IPO11: variants seen among roughly 807,000 people sequenced by gnomAD.
IPO11 encodes importin 11.
IPO11 carries 66 observed loss-of-function variants against 143.2 expected under a neutral mutation model. The ratio of observed to expected loss-of-function variants is 0.46; its 90% CI spans 0.38 to 0.57. IPO11 has a LOEUF of 0.57. IPO11 is among the 20% of genes least tolerant of loss of function. The pLI is 0.00. For synonymous variants in IPO11, 385 were observed against 377.8 expected, an observed-to-expected ratio of 1.02 and a Z score of -0.22; for missense variants, 1,026 against 1,141.0, an observed-to-expected ratio of 0.90 and a Z score of 1.45.
At chr5:62,493,029 G>C (rs1043115049) in intron 15 of IPO11, among the ~76,000 whole-genome samples, 17 of 152,132 alleles carry the variant, frequency 1.1e-4, no homozygotes, top group African/African-American at 4.1e-4. Flanking sequence ...TGAACTGCAT[G>C]ATTTTTCTCC....
At chr5:62,536,613 G>T in intron 22 of IPO11, 89 bp from the exon 23 acceptor site, 1 of 1,450,018 alleles carries the variant, frequency 6.9e-7, no homozygotes, top group Non-Finnish European at 9.2e-7. Flanking sequence ...ATGCAAATTA[G>T]TTTTAAATAA....
At chr5:62,536,812 A>G in intron 23 of IPO11, 31 bp downstream of exon 23, 1 of 1,429,610 alleles carries the variant, frequency 7.0e-7, no homozygotes, top group South Asian at 1.5e-5. Flanking sequence ...ATTATATGAA[A>G]TTATATAATT....
chr5:62,625,584 A>T (rs1339169552), intron 29 of IPO11, among the ~76,000 whole-genome samples: 1 of 152,228 alleles, frequency 6.6e-6, no homozygotes, highest in Non-Finnish European at 1.5e-5. Flanking sequence ...TTCTTAAATG[A>T]TCACATACTT....
chr5:62,530,966 A>G (rs1188043363), intron 22 of IPO11, among the ~76,000 whole-genome samples, 181 bp downstream of exon 22: 1 of 152,184 alleles, frequency 6.6e-6, no homozygotes, highest in African/African-American at 2.4e-5. Context: ...TTGGGGTACA[A>G]TTGATTCTGT....
At position 62,434,939 on chromosome 5, in the gene IPO11, C is replaced by T. The variant is rs1295871256; in HGVS notation, c.-6-2335C>T. On this transcript the variant is annotated intron_variant, in intron 1 of 29. Transcript: ENST00000325324. The stretch of plus-strand genomic sequence containing the variant: ...ACTTGGGAGGCTAAGGCAGGAGAAT[C>T]ACTTGAACCCGGGAGGCAGAGGTTG... 4.0e-5 allele frequency among the ~76,000 whole-genome samples: 6 copies of T among 150,832 alleles called. No homozygotes were observed. The East Asian group carries it at 1.2e-3, about 29-fold the overall frequency.
At chr5:62,498,958 GTATAATCT>G (rs1189087386) in intron 16 of IPO11, among the ~76,000 whole-genome samples, 3 of 152,204 alleles carry the variant, frequency 2.0e-5, no homozygotes, top group African/African-American at 4.8e-5. Context: ...TTCAGCATTA[GTATAATCT>G]TTCACTTTTG....
intron 5 of IPO11, among the ~76,000 whole-genome samples, chr5:62,462,687 T>C (rs572906788): frequency 6.6e-6 from 1 of 152,316 alleles, no homozygotes; most frequent in East Asian, 1.9e-4. Context: ...TGAGCCACTA[T>C]GCCCGGCCAC....
In IPO11 at chr5:62,513,709, G is replaced by A. The variant is rs1395869377; in HGVS notation, c.1783-1679G>A. On this transcript the variant is annotated intron_variant, in intron 19 of 29. Coordinates refer to ENST00000325324, the MANE Select transcript of IPO11 (RefSeq NM_016338.5). ...GGGGCTGAGCCCCCCACCCCCGGAC[G>A]GGGCGGCTGGCCGGGTGGGGGGCTG... Among the ~76,000 whole-genome samples, 14 of 149,360 alleles carry A rather than the reference G, an allele frequency of 9.4e-5. 1 individual carries two copies. Among genetic ancestry groups the A allele is most frequent in the African/African-American group, 3.5e-4 (14 of 40,314 alleles).
intron 22 of IPO11, among the ~76,000 whole-genome samples, chr5:62,532,028 G>A (rs1034641536): frequency 1.3e-5 from 2 of 152,144 alleles, no homozygotes; most frequent in African/African-American, 4.8e-5. Context: ...GCAGTCCACA[G>A]GGCTTCTTTA....
At chr5:62,527,742 AAAT>A (rs2112308253) in intron 21 of IPO11, among the ~76,000 whole-genome samples, 2 of 152,336 alleles carry the variant, frequency 1.3e-5, no homozygotes, top group African/African-American at 4.8e-5. Context: ...ATGCTAATAA[AAAT>A]AAATTATTAG....
chr5:62,438,216 T>C (rs1744309534), intron 2 of IPO11, among the ~76,000 whole-genome samples: 1 of 152,192 alleles, frequency 6.6e-6, no homozygotes, highest in Non-Finnish European at 1.5e-5. Context: ...TTTAACTTGT[T>C]GGCTAAAAAA....
At position 62,435,092 on chromosome 5, in the gene IPO11, G is replaced by GTA. The variant is rs1263071576; in HGVS notation, c.-6-2176_-6-2175dup. On this transcript the variant is annotated intron_variant, in intron 1 of 29. Transcript: ENST00000325324. ...TATATGTATATATATGTGTATATAT[G>GTA]TATATATGTATATATATGTATATAT... Among the ~76,000 whole-genome samples, 403 of 58,266 alleles carry GTA rather than the reference G, an allele frequency of 6.9e-3. 6 individuals carry two copies. The highest frequency in any genetic ancestry group is 0.01 in the Non-Finnish European group (280 of 27,172). 38.2% of individuals were successfully genotyped at this position (58,266 alleles called of 152,430 possible).
At chr5:62,542,525 G>A (rs1299954862) in intron 24 of IPO11, among the ~76,000 whole-genome samples, 2 of 151,918 alleles carry the variant, frequency 1.3e-5, no homozygotes, top group Non-Finnish European at 2.9e-5. Context: ...AATATAGTAT[G>A]TTATATAACA....
intron 21 of IPO11, among the ~76,000 whole-genome samples, chr5:62,527,304 A>G (rs562512716): frequency 1.3e-5 from 2 of 152,312 alleles, no homozygotes; most frequent in East Asian, 3.9e-4. Flanking sequence ...CAGATATTAA[A>G]TATTTTGGGC....
chr5:62,593,806 A>G (rs1461142851), intron 28 of IPO11, among the ~76,000 whole-genome samples: 2 of 152,236 alleles, frequency 1.3e-5, no homozygotes, highest in South Asian at 2.1e-4. Flanking sequence ...TAAATTACCA[A>G]GAGATACACT....
chr5:62,586,785 A>ATATG (rs1387408423), intron 27 of IPO11, among the ~76,000 whole-genome samples: 18 of 136,966 alleles, frequency 1.3e-4, no homozygotes, highest in Non-Finnish European at 1.7e-4. Flanking sequence ...ATATATATAT[A>ATATG]TATATATATA....
chr5:62,432,845 A>G (rs931766718), intron 1 of IPO11, among the ~76,000 whole-genome samples: 2 of 152,148 alleles, frequency 1.3e-5, no homozygotes, highest in Admixed American at 1.3e-4. Context: ...TCATATCAGG[A>G]GGCACTTAAG....
intron 1 of IPO11, among the ~76,000 whole-genome samples, chr5:62,433,022 T>A (rs1744048584): frequency 6.6e-6 from 1 of 152,204 alleles, no homozygotes; most frequent in African/African-American, 2.4e-5. Context: ...CCAACAACTG[T>A]TCTTTCATTT....
At position 62,626,048 on chromosome 5, in the gene IPO11, G is replaced by A. The variant is rs1032816612; in HGVS notation, c.2764-1106G>A. ...TCCTCTTCTTTTTCTTTTTTTTTTC[G>A]AGACGGAGTCTCGCTCTGTCACCCA... On this transcript the variant is annotated intron_variant, in intron 29 of 29. Transcript: ENST00000325324. Among the ~76,000 whole-genome samples the A allele has an allele frequency of 6.1e-5, 9 of 147,160 alleles. No individual in the cohort carries two copies. In the East Asian group the frequency reaches 1.6e-3, roughly 26 times the overall value.
Sources: gnomAD v4.1 joint callset for allele counts (sites outside exome capture counted in the v4.1 genomes callset) on GRCh38, gnomAD v4.1.1 for gene constraint, MANE v1.5 for transcripts, NCBI Gene and HGNC (gene_info 2026-07-23, HGNC 2026-07-21) for gene names.